The following MYRIP variants were observed in gnomAD, a reference collection of about 807,000 sequenced individuals.
MYRIP encodes the protein myosin VIIA and Rab interacting protein, also known as rab effector MyRIP.
A neutral mutation model predicts 98.0 loss-of-function variants in MYRIP; 49 were observed. That is an observed-to-expected ratio of 0.50 (90% CI 0.40 to 0.63). MYRIP has a LOEUF of 0.63. Ranked by LOEUF, MYRIP falls within the 30% of genes least tolerant of loss-of-function variation. The probability of loss-of-function intolerance (pLI) is 0.00; values close to 1 mark genes in which losing one functional copy is unlikely to be tolerated. For synonymous variants in MYRIP, 404 were observed against 409.5 expected, an observed-to-expected ratio of 0.99 and a Z score of 0.16; for missense variants, 1,004 against 1,058.2, an observed-to-expected ratio of 0.95 and a Z score of 0.71.
At chr3:39,830,119 C>T (rs1216912946) in intron 1 of MYRIP, among the ~76,000 whole-genome samples, 1 of 152,192 alleles carries the variant, frequency 6.6e-6, no homozygotes, top group African/African-American at 2.4e-5. Context: ...CAGTCTCTAA[C>T]CCCAGTTGCT....
chr3:40,256,309 G>A (rs1170263122), intron 16 of MYRIP, among the ~76,000 whole-genome samples: 1 of 151,924 alleles, frequency 6.6e-6, no homozygotes, highest in Non-Finnish European at 1.5e-5. Flanking sequence ...AATAACTACT[G>A]AATTAGAAAA....
chr3:39,921,100 T>C (rs1212421244), intron 2 of MYRIP, among the ~76,000 whole-genome samples: 1 of 152,192 alleles, frequency 6.6e-6, no homozygotes, highest in Admixed American at 6.5e-5. Context: ...AAATTAACGT[T>C]ATCAGACCTT....
chr3:39,909,011 A>T (rs961128051), intron 2 of MYRIP, among the ~76,000 whole-genome samples: 4 of 152,194 alleles, frequency 2.6e-5, no homozygotes, highest in African/African-American at 9.6e-5. Context: ...GCTCCAAGGT[A>T]GTTCCTTCGA....
chr3:39,830,257 C>T (rs909551862), intron 1 of MYRIP, among the ~76,000 whole-genome samples: 6 of 152,168 alleles, frequency 3.9e-5, no homozygotes, highest in South Asian at 2.1e-4. Context: ...AACCATAGCA[C>T]TGGTCAAATC....
At chr3:40,059,016 G>A (rs750152410) in intron 3 of MYRIP, among the ~76,000 whole-genome samples, 2 of 139,782 alleles carry the variant, frequency 1.4e-5, no homozygotes, top group Non-Finnish European at 3.0e-5. Context: ...TCCCACTTAT[G>A]AGTGAGAACA....
At chr3:40,187,475 C>T (rs1345697199) in intron 9 of MYRIP, among the ~76,000 whole-genome samples, 1 of 152,222 alleles carries the variant, frequency 6.6e-6, no homozygotes, top group African/African-American at 2.4e-5. Flanking sequence ...GCATGTGTAA[C>T]ACACTCACAA....
chr3:40,246,075 C>G (rs1953191012), intron 13 of MYRIP, among the ~76,000 whole-genome samples: 1 of 136,676 alleles, frequency 7.3e-6, no homozygotes, highest in South Asian at 2.7e-4. Context: ...CATCTTAAAA[C>G]TGAATCATTG....
intron 2 of MYRIP, among the ~76,000 whole-genome samples, chr3:40,041,418 G>A (rs1343770381): frequency 6.7e-6 from 1 of 149,132 alleles, no homozygotes; most frequent in African/African-American, 2.5e-5. Context: ...GACATTATAT[G>A]CTGATTACGA....
chr3:40,140,392 T>C (rs1343434182), intron 3 of MYRIP, among the ~76,000 whole-genome samples: 1 of 152,228 alleles, frequency 6.6e-6, no homozygotes, highest in Non-Finnish European at 1.5e-5. Flanking sequence ...ATTCCATATC[T>C]TGGCTGCTGT....
intron 1 of MYRIP, among the ~76,000 whole-genome samples, chr3:39,862,856 A>G (rs776987527): frequency 6.6e-6 from 1 of 152,184 alleles, no homozygotes; most frequent in Non-Finnish European, 1.5e-5. Context: ...TCACCTGCAC[A>G]TGGTATGTAC....
At chr3:40,241,676 C>T (rs1249040688) in intron 12 of MYRIP, among the ~76,000 whole-genome samples, 2 of 152,102 alleles carry the variant, frequency 1.3e-5, no homozygotes, top group Non-Finnish European at 2.9e-5. Context: ...ATTCTTATGC[C>T]TTGAACCACT....
intron 2 of MYRIP, among the ~76,000 whole-genome samples, chr3:39,976,413 A>G (rs372623834): frequency 5.3e-5 from 8 of 152,106 alleles, no homozygotes; most frequent in African/African-American, 1.4e-4. Flanking sequence ...TGGAGAGGAT[A>G]TGGAGAAATA....
At chr3:40,243,774 T>TA (rs1187856542) in intron 12 of MYRIP, among the ~76,000 whole-genome samples, 4 of 152,320 alleles carry the variant, frequency 2.6e-5, no homozygotes, top group African/African-American at 9.6e-5. Flanking sequence ...AACCTGTAAG[T>TA]AAAAAATGTT....
At chr3:39,876,683 G>C (rs941108977) in intron 1 of MYRIP, among the ~76,000 whole-genome samples, 2 of 152,020 alleles carry the variant, frequency 1.3e-5, no homozygotes, top group African/African-American at 4.8e-5. Flanking sequence ...ACTCTCTTCT[G>C]GCTTGTAGAG....
At chr3:40,159,365 C>G (rs1234038502) in intron 4 of MYRIP, among the ~76,000 whole-genome samples, 1 of 152,228 alleles carries the variant, frequency 6.6e-6, no homozygotes, top group Non-Finnish European at 1.5e-5. Context: ...AAGAGATCCG[C>G]TGTTAGTCTG....
chr3:40,111,370 T>C (rs1949154597), intron 3 of MYRIP, among the ~76,000 whole-genome samples: 1 of 152,224 alleles, frequency 6.6e-6, no homozygotes, highest in Non-Finnish European at 1.5e-5. Context: ...TTAGAATGCA[T>C]TAAGCTTCAA....
intron 1 of MYRIP, among the ~76,000 whole-genome samples, chr3:39,829,556 G>T (rs147209661): frequency 1.3e-5 from 2 of 152,234 alleles, no homozygotes; most frequent in African/African-American, 2.4e-5. Context: ...GGTGATTCTG[G>T]TGAGGCTGCT....
intron 11 of MYRIP, among the ~76,000 whole-genome samples, chr3:40,226,185 G>T (rs1952483575): frequency 6.6e-6 from 1 of 152,178 alleles, no homozygotes. Context: ...GCATTTGATA[G>T]TCACCGACTT....
chr3:39,891,677 G>A (rs895501562), intron 1 of MYRIP, among the ~76,000 whole-genome samples: 2 of 152,016 alleles, frequency 1.3e-5, no homozygotes, highest in Non-Finnish European at 2.9e-5. Flanking sequence ...GAATGAAGGA[G>A]CTAATTTCCC....
Sources: allele counts gnomAD v4.1 joint callset (sites outside exome capture counted in the v4.1 genomes callset), GRCh38; gene constraint gnomAD v4.1.1; transcripts MANE v1.5; gene names NCBI Gene and HGNC (gene_info 2026-07-23, HGNC 2026-07-21).